Variants in RASGRF2 observed in about 807,000 individuals in gnomAD.
RASGRF2 encodes ras-specific guanine nucleotide-releasing factor 2.
A neutral mutation model predicts 151.0 loss-of-function variants in RASGRF2; 76 were observed. That is an observed-to-expected ratio of 0.50 (90% CI 0.42 to 0.61). The LOEUF (loss-of-function observed/expected upper bound fraction) is 0.61, where lower values mean the gene tolerates loss of function less well. Among genes scored for constraint, RASGRF2 ranks in the 20% least tolerant of loss-of-function variants. The probability of loss-of-function intolerance (pLI) is 0.00; values close to 1 mark genes in which losing one functional copy is unlikely to be tolerated. For synonymous variants in RASGRF2, 504 were observed against 566.5 expected, an observed-to-expected ratio of 0.89 and a Z score of 1.57; for missense variants, 1,148 against 1,564.6, an observed-to-expected ratio of 0.73 and a Z score of 4.49.
chr5:81,069,347 A>C (rs1751706189), intron 3 of RASGRF2, among the ~76,000 whole-genome samples: 1 of 152,244 alleles, frequency 6.6e-6, no homozygotes, highest in African/African-American at 2.4e-5. Context: ...ATATAGTGAA[A>C]ACAGCAACAG....
chr5:81,100,769 A>T (rs1423549669), intron 12 of RASGRF2, among the ~76,000 whole-genome samples: 3 of 152,212 alleles, frequency 2.0e-5, no homozygotes, highest in African/African-American at 7.2e-5. Flanking sequence ...TTTGTAGCAC[A>T]CTGGACATGC....
In RASGRF2 at chr5:81,113,617, C is replaced by T. The variant is rs181474930; in HGVS notation, c.2167C>T (p.Arg723Cys). 6.8e-6 allele frequency: 11 copies of T among 1,609,540 alleles called. No homozygotes were observed. The highest frequency in any genetic ancestry group is 2.2e-5 in the East Asian group (1 of 44,872). ...LVDGKSPRLC[R>C]KFSSPPPLAV... The stretch of plus-strand genomic sequence containing the variant: ...GGATGGCAAATCCCCACGTCTGTGT[C>T]GCAAATTCTCTTCCCCGCCACCACT... Residue 723 changes from arginine to cysteine, a missense_variant, in exon 15 of 27, where the codon CGC (arginine) becomes TGC (cysteine). Coordinates refer to ENST00000265080, the MANE Select transcript of RASGRF2 (RefSeq NM_006909.3).
intron 1 of RASGRF2, among the ~76,000 whole-genome samples, chr5:80,969,446 T>A (rs1341244494): frequency 6.8e-6 from 1 of 147,840 alleles, no homozygotes; most frequent in Non-Finnish European, 1.5e-5. Flanking sequence ...CACTCTTTTT[T>A]CTTTTTTCTT....
intron 2 of RASGRF2, among the ~76,000 whole-genome samples, chr5:81,057,507 T>C (rs984552626): frequency 1.3e-5 from 2 of 152,210 alleles, no homozygotes; most frequent in African/African-American, 2.4e-5. Context: ...TTTCTCCATA[T>C]GGAGTGATGG....
intron 17 of RASGRF2, among the ~76,000 whole-genome samples, chr5:81,130,449 G>A (rs928317732): frequency 6.6e-6 from 1 of 152,194 alleles, no homozygotes. Flanking sequence ...GTGGAGACCA[G>A]TGCATTCCTG....
intron 1 of RASGRF2, among the ~76,000 whole-genome samples, chr5:81,026,149 T>A (rs1750021147): frequency 8.6e-6 from 1 of 116,328 alleles, no homozygotes; most frequent in South Asian, 3.2e-4. Context: ...CCTTCCATCC[T>A]TCCTCCCTCC....
chr5:80,979,207 C>T (rs1383699194), intron 1 of RASGRF2, among the ~76,000 whole-genome samples: 2 of 152,154 alleles, frequency 1.3e-5, no homozygotes, highest in Non-Finnish European at 2.9e-5. Context: ...AAACACTCTA[C>T]TTGCATTTCA....
chr5:81,162,343 G>GTTTTGT (rs766784805), intron 17 of RASGRF2, among the ~76,000 whole-genome samples: 14 of 151,970 alleles, frequency 9.2e-5, no homozygotes, highest in African/African-American at 2.4e-4. Flanking sequence ...GGGTTTTTTT[G>GTTTTGT]TTTTGTTTTT....
At chr5:81,048,964 G>T (rs577264572) in intron 2 of RASGRF2, among the ~76,000 whole-genome samples, 1 of 151,750 alleles carries the variant, frequency 6.6e-6, no homozygotes, top group African/African-American at 2.4e-5. Context: ...GAAATGGTTC[G>T]GTTGCTCTCC....
chr5:81,152,004 G>T (rs838845), intron 17 of RASGRF2, among the ~76,000 whole-genome samples: 78,014 of 151,412 alleles, frequency 0.52, 20,707 homozygotes, highest in East Asian at 0.84. Flanking sequence ...GAGATTTTTT[G>T]TTTGTTTGTT....
chr5:81,090,838 T>TGG (rs1752369598), intron 9 of RASGRF2, among the ~76,000 whole-genome samples: 3 of 152,236 alleles, frequency 2.0e-5, no homozygotes, highest in Non-Finnish European at 4.4e-5. Flanking sequence ...AATCACTAAA[T>TGG]TGCTAGAAGC....
intron 18 of RASGRF2, among the ~76,000 whole-genome samples, chr5:81,192,599 G>T (rs1288204524): frequency 6.6e-6 from 1 of 152,210 alleles, no homozygotes; most frequent in African/African-American, 2.4e-5. Flanking sequence ...CCCTGCAGAG[G>T]CTCTCATCCC....
At chr5:81,194,178 C>CT (rs1002262137) in intron 18 of RASGRF2, among the ~76,000 whole-genome samples, 3 of 95,108 alleles carry the variant, frequency 3.2e-5, no homozygotes, top group East Asian at 3.3e-4. Context: ...AGCCCCATCT[C>CT]TAAAAAAAAA....
chr5:80,978,491 AG>A (rs1408808671), intron 1 of RASGRF2, among the ~76,000 whole-genome samples: 1 of 152,170 alleles, frequency 6.6e-6, no homozygotes, highest in African/African-American at 2.4e-5. Flanking sequence ...GACATTTTAA[AG>A]GGGGACAAGG....
At chr5:81,161,757 T>C (rs1754388816) in intron 17 of RASGRF2, among the ~76,000 whole-genome samples, 3 of 152,184 alleles carry the variant, frequency 2.0e-5, no homozygotes, top group African/African-American at 7.2e-5. Context: ...ATATGAACTT[T>C]AGTGTGCAAA....
At chr5:81,021,485 C>T (rs538108934) in intron 1 of RASGRF2, among the ~76,000 whole-genome samples, 10 of 152,166 alleles carry the variant, frequency 6.6e-5, no homozygotes, top group African/African-American at 1.9e-4. Flanking sequence ...TTTAGTAATT[C>T]ACGTGTCCTC....
At chr5:81,121,891 C>T (rs999672049) in intron 15 of RASGRF2, among the ~76,000 whole-genome samples, 4 of 152,200 alleles carry the variant, frequency 2.6e-5, no homozygotes, top group African/African-American at 9.7e-5. Flanking sequence ...ACTTAGCCAC[C>T]TGTGTTGCTG....
chr5:81,075,309 T>G (rs986522238), intron 5 of RASGRF2, among the ~76,000 whole-genome samples: 12 of 152,126 alleles, frequency 7.9e-5, no homozygotes, highest in African/African-American at 2.9e-4. Context: ...AGAGAATGTG[T>G]GAAAACATGT....
At chr5:81,128,099 T>G (rs1009953210) in intron 17 of RASGRF2, among the ~76,000 whole-genome samples, 6 of 151,760 alleles carry the variant, frequency 4.0e-5, no homozygotes, top group African/African-American at 1.2e-4. Context: ...TGCATAGAAG[T>G]AGAAAGTAGA....
Sources: allele counts gnomAD v4.1 joint callset (sites outside exome capture counted in the v4.1 genomes callset), GRCh38; gene constraint gnomAD v4.1.1; transcripts MANE v1.5; gene names NCBI Gene and HGNC (gene_info 2026-07-23, HGNC 2026-07-21).